The following SEL1L variants were observed in gnomAD, a reference collection of about 807,000 sequenced individuals.
SEL1L encodes the protein SEL1L adaptor subunit of SYVN1 ubiquitin ligase, also known as protein sel-1 homolog 1.
A neutral mutation model predicts 109.8 loss-of-function variants in SEL1L; 52 were observed. That is an observed-to-expected ratio of 0.47 (90% confidence interval 0.38 to 0.60). SEL1L has a LOEUF of 0.60. Among genes scored for constraint, SEL1L ranks in the 20% least tolerant of loss-of-function variants. The pLI is 0.00. For synonymous variants in SEL1L, 373 were observed against 339.6 expected (o/e 1.10, Z -1.08); for missense variants, 749 against 962.2 (o/e 0.78, Z 2.93).
chr14:81,506,231 G>A lies in SEL1L; in HGVS notation c.351C>T (p.Ala117=). The change falls in exon 4 of 21, where the codon GCC becomes GCT. Residue 117 remains alanine (A), a synonymous_variant. Transcript: ENST00000336735. ...PKKVRKPALT[A]IEGTAHGEPC... ...GCTCCCCATGTGCTGTGCCTTCAAT[G>A]GCGGTCAAAGCTGGAATGACAAGAA... 6.3e-7 allele frequency: 1 copy of A among 1,598,650 alleles called. No individual in the cohort carries two copies. Among genetic ancestry groups the A allele is most frequent in the South Asian group, 1.1e-5 (1 of 88,100 alleles).
chr14:81,481,062 T>C (rs1435798688), intron 19 of SEL1L, among the ~76,000 whole-genome samples: 1 of 152,132 alleles, frequency 6.6e-6, no homozygotes, highest in Non-Finnish European at 1.5e-5. Flanking sequence ...TGGAGAAGGC[T>C]CCTTTATTGA....
At position 81,533,647 on chromosome 14, in the gene SEL1L, C is replaced by A. The variant is rs771951159; in HGVS notation, c.70+28G>T. 2.5e-6 allele frequency: 4 copies of A among 1,605,844 alleles called. No individual in the cohort carries two copies. In the East Asian group the frequency reaches 9.0e-5, roughly 36 times the overall value. On this transcript the variant is annotated intron_variant, in intron 1 of 20. Coordinates refer to ENST00000336735, the MANE Select transcript of SEL1L (RefSeq NM_005065.6). ...GAGGCTGGGGGGCGGAGGCTCTGGG[C>A]CTTCAGCCCGAGGGGGCGGATACTG... is the stretch of plus-strand genomic sequence containing the variant.
At position 81,506,098 on chromosome 14, in the gene SEL1L, C is replaced by T. The variant is rs751870894; in HGVS notation, c.484G>A (p.Asp162Asn). ...CTTTCACAAAAGCCCCACTTTTCAT[C>T]TGCTTTGTAGTCATAGGTTGTAGCA... is the stretch of plus-strand genomic sequence containing the variant. ...WCATTYDYKA[D>N]EKWGFCETEE... The change falls in exon 4 of 21, where the codon GAT becomes AAT. Residue 162 changes from aspartate (D) to asparagine (N), a missense_variant. By Grantham distance (23) the Asp-to-Asn change is conservative. This residue lies in a region of SEL1L where 366 missense variants were observed against 399.8 expected (regional missense o/e 0.92). Coordinates refer to ENST00000336735, the MANE Select transcript of SEL1L (RefSeq NM_005065.6). 4 of 1,613,492 alleles carry T rather than the reference C, an allele frequency of 2.5e-6. No individual in the cohort carries two copies. Among genetic ancestry groups the T allele is most frequent in the Non-Finnish European group, 3.4e-6 (4 of 1,179,642 alleles).
At position 81,476,642 on chromosome 14, in the gene SEL1L, T is replaced by C. The variant is rs1903168730; in HGVS notation, c.*330A>G. ...CATTAAGAACTTATGCACACTGAAA[T>C]AATGACCAAAAGGATCCAAGAAAGA... On this transcript the variant is annotated 3_prime_UTR_variant, in exon 21 of 21. Transcript: ENST00000336735. 4.0e-6 allele frequency: 1 copy of C among 251,330 alleles called. No homozygotes were observed. Among genetic ancestry groups the C allele is most frequent in the South Asian group, 9.3e-5 (1 of 10,702 alleles). 15.6% of individuals were successfully genotyped at this position (251,330 alleles called of 1,614,324 possible). A position where few individuals can be genotyped will look rare whatever the true frequency, so the allele number is the denominator to read the frequency against.
Position 81,485,712 on chromosome 14 carries a change from A to G in SEL1L, c.1833T>C (p.Tyr611=), listed in dbSNP as rs748233263. The G allele has an allele frequency of 7.4e-6, 12 of 1,614,118 alleles. No individual in the cohort carries two copies. Among genetic ancestry groups the G allele is most frequent in the South Asian group, 5.5e-5 (5 of 91,078 alleles). Residue 611 remains tyrosine (Y), a synonymous_variant, in exon 18 of 21, where the codon TAT becomes TAC. Coordinates refer to ENST00000336735, the MANE Select transcript of SEL1L (RefSeq NM_005065.6). The part of the protein sequence containing the change: ...EASIVGENET[Y]PRALLHWNRA... The stretch of plus-strand genomic sequence containing the variant: ...TGTTCCAATGTAGCAAAGCTCTGGG[A>G]TAAGTTTCATTCTCACCTACAATGC...
intron 3 of SEL1L, among the ~76,000 whole-genome samples, chr14:81,525,364 C>T (rs529699527): frequency 6.7e-6 from 1 of 150,284 alleles, no homozygotes; most frequent in Non-Finnish European, 1.5e-5. Flanking sequence ...ATGATCGTGC[C>T]ACTGCACTCC....
At position 81,472,413 on chromosome 14, in the gene SEL1L, G is replaced by T. The variant is rs1050894593; in HGVS notation, c.*4559C>A. On this transcript the variant is annotated 3_prime_UTR_variant, in exon 21 of 21. Transcript: ENST00000336735. The stretch of plus-strand genomic sequence containing the variant: ...CATTTTACCTCAGTTACCTCTTTGA[G>T]TTGCCTGCTGGGAAGCTGGGGGCCA... The T allele has an allele frequency of 1.4e-4, 34 of 234,952 alleles. No individual in the cohort carries two copies. In the South Asian group the frequency reaches 1.5e-3, roughly 10 times the overall value. The allele number at this position is 234,952 out of a possible 1,614,324, so 14.6% of individuals were successfully genotyped here.
At chr14:81,500,072 G>C (rs1293763853) in intron 6 of SEL1L, among the ~76,000 whole-genome samples, 2 of 151,742 alleles carry the variant, frequency 1.3e-5, no homozygotes, top group African/African-American at 4.8e-5. Flanking sequence ...ACCACGCCCA[G>C]CTAGTTTTTG....
At position 81,479,644 on chromosome 14, in the gene SEL1L, C is replaced by A; in HGVS notation, c.2143G>T (p.Val715Phe). 1 of 1,613,492 alleles carries A rather than the reference C, an allele frequency of 6.2e-7. No homozygotes were observed. Among genetic ancestry groups the A allele is most frequent in the East Asian group, 2.2e-5 (1 of 44,878 alleles). The change falls in exon 20 of 21, where the codon GTC (valine) becomes TTC (phenylalanine). Residue 715 changes from valine to phenylalanine, a missense_variant. Physicochemically the swap from Val to Phe is conservative, Grantham distance 50. This residue lies in a region of SEL1L where 383 missense variants were observed against 562.5 expected (regional missense o/e 0.68). Transcript: ENST00000336735. Reference protein sequence around the residue: ...VFLALCKLGVVYFLQYIRETN... With the variant: ...VFLALCKLGVFYFLQYIRETN... ...TCCCGTATGTACTGCAAGAAATAGA[C>A]GACGCCCAATTTGCAGAGGGCTAGG...
At chr14:81,499,054 C>T (rs1312285323) in intron 8 of SEL1L, 34 of 856,512 alleles carry the variant, frequency 4.0e-5, no homozygotes, top group Non-Finnish European at 4.5e-5. Flanking sequence ...GGCATTGTTG[C>T]AAAATATTGT....
At chr14:81,485,330 C>A (rs924793701) in intron 18 of SEL1L, among the ~76,000 whole-genome samples, 1 of 152,158 alleles carries the variant, frequency 6.6e-6, no homozygotes, top group Non-Finnish European at 1.5e-5. Flanking sequence ...GGCTGGAGTG[C>A]AGTGGCATAA....
intron 10 of SEL1L, among the ~76,000 whole-genome samples, chr14:81,497,293 T>G (rs556411415): frequency 8.7e-4 from 133 of 152,272 alleles, no homozygotes; most frequent in Non-Finnish European, 1.6e-3. Context: ...TAGAAATAAT[T>G]GCAAACTTAG....
chr14:81,505,160 T>A (rs937456852), intron 4 of SEL1L, among the ~76,000 whole-genome samples: 1 of 152,228 alleles, frequency 6.6e-6, no homozygotes, highest in Non-Finnish European at 1.5e-5. Context: ...ATACTGTATA[T>A]CTTTACAAGG....
rs990723935 is a variant in SEL1L at position 81,475,682 on chromosome 14, G to A, written c.*1290C>T. ...TCAGTTTAAGCTTTAATTATTTCAC[G>A]TGTGTAATTATGTGAAACTCTTCAG... On this transcript the variant is annotated 3_prime_UTR_variant, in exon 21 of 21. Transcript: ENST00000336735. The A allele has an allele frequency of 2.6e-5, 4 of 152,132 alleles. No homozygotes were observed. Among genetic ancestry groups the A allele is most frequent in the Admixed American group, 6.5e-5 (1 of 15,278 alleles). 9.4% of individuals were successfully genotyped at this position (152,132 alleles called of 1,614,324 possible).
At chr14:81,501,962 C>T (rs1282694539) in intron 6 of SEL1L, among the ~76,000 whole-genome samples, 1 of 151,372 alleles carries the variant, frequency 6.6e-6, no homozygotes, top group Non-Finnish European at 1.5e-5. Context: ...GAAAAACTGG[C>T]CCTATCTCTA....
chr14:81,483,830 C>G (rs760769094), intron 19 of SEL1L, among the ~76,000 whole-genome samples: 1 of 152,118 alleles, frequency 6.6e-6, no homozygotes, highest in Admixed American at 6.5e-5. Context: ...CAGAGAATGA[C>G]AGACTTCATT....
intron 16 of SEL1L, among the ~76,000 whole-genome samples, chr14:81,486,853 C>T (rs1250106761): frequency 6.6e-6 from 1 of 152,120 alleles, no homozygotes; most frequent in Non-Finnish European, 1.5e-5. Context: ...CTTTGCTAAG[C>T]ATTTATCAAT....
chr14:81,512,524 C>A (rs760293176), intron 3 of SEL1L, among the ~76,000 whole-genome samples: 2 of 152,190 alleles, frequency 1.3e-5, no homozygotes, highest in African/African-American at 2.4e-5. Context: ...TTCCTGAGGA[C>A]CCAGGCCCTG....
chr14:81,477,125 G>A lies in SEL1L; in HGVS notation c.2232C>T (p.Asp744=). ...GCGCAATGATGGTCATGAGGTAAAGGTCCCACTCAGGTCCCAAAAGCTGGT... is the reference window on the plus strand; with the variant it reads ...GCGCAATGATGGTCATGAGGTAAAGATCCCACTCAGGTCCCAAAAGCTGGT... ...DMDQLLGPEW[D]LYLMTIIALL... Residue 744 remains aspartate (D), a synonymous_variant, in exon 21 of 21, where the codon GAC becomes GAT. Coordinates refer to ENST00000336735, the MANE Select transcript of SEL1L (RefSeq NM_005065.6). The A allele has an allele frequency of 6.2e-7, 1 of 1,614,134 alleles. No homozygotes were observed. Among genetic ancestry groups the A allele is most frequent in the South Asian group, 1.1e-5 (1 of 91,084 alleles).
Sources: allele counts gnomAD v4.1 joint callset (sites outside exome capture counted in the v4.1 genomes callset), GRCh38; gene constraint gnomAD v4.1.1; regional missense constraint gnomAD v4.1.1; transcripts MANE v1.5; gene names NCBI Gene and HGNC (gene_info 2026-07-23, HGNC 2026-07-21).